YPEL2: variants seen among roughly 807,000 people sequenced by gnomAD.
YPEL2 encodes yippee like 2, also known as protein yippee-like 2.
YPEL2 carries 2 observed loss-of-function variants against 19.1 expected under a neutral mutation model. The ratio of observed to expected loss-of-function variants is 0.10; its 90% CI spans 0.04 to 0.33. YPEL2 has a LOEUF of 0.33. Among genes scored for constraint, YPEL2 ranks in the 10% least tolerant of loss-of-function variants. YPEL2 has a pLI of 1.00. For missense variants in YPEL2, 66 were observed against 140.7 expected (o/e 0.47, Z 2.68); for synonymous variants, 52 against 50.0 (o/e 1.04, Z -0.17).
chr17:59,390,265 G>T (rs1013928275), intron 4 of YPEL2, among the ~76,000 whole-genome samples: 1 of 152,092 alleles, frequency 6.6e-6, no homozygotes. Context: ...GGCTCCCAAA[G>T]TGCTGGGATT....
intron 2 of YPEL2, among the ~76,000 whole-genome samples, chr17:59,380,227 A>T (rs1275843988): frequency 6.6e-6 from 1 of 150,432 alleles, no homozygotes; most frequent in East Asian, 2.0e-4. Flanking sequence ...AACAAAGTAT[A>T]TAGTCTTGAA....
rs577364972 is a variant in YPEL2 at position 59,366,313 on chromosome 17, G to A, written c.117+12787G>A. Among the ~76,000 whole-genome samples the A allele has an allele frequency of 1.9e-3, 293 of 152,224 alleles. 2 individuals are homozygous for A. Among genetic ancestry groups the A allele is most frequent in the Admixed American group, 3.6e-3 (55 of 15,300 alleles). ...TTTGCCTTCACTGAGCCTGTCACAC[G>A]GTACCCTTTGGTTCCTGGAAGACCC... On this transcript the variant is annotated intron_variant, in intron 2 of 4. Coordinates refer to ENST00000312655, the MANE Select transcript of YPEL2 (RefSeq NM_001005404.4).
intron 1 of YPEL2, chr17:59,345,396 A>G (rs988293366): frequency 6.6e-6 from 1 of 152,176 alleles, no homozygotes; most frequent in African/African-American, 2.4e-5. Flanking sequence ...CAGTGCTGTA[A>G]AAGAGGTGTC....
Position 59,361,075 on chromosome 17 carries a change from A to G in YPEL2, c.117+7549A>G, listed in dbSNP as rs192581492. On this transcript the variant is annotated intron_variant, in intron 2 of 4. Transcript: ENST00000312655. ...TCGACCTCCTGACCTCAAGCAATCC[A>G]CCTGCCTCTGCCTGCCAAAGTGCTG... Among the ~76,000 whole-genome samples, 749 of 152,112 alleles carry G rather than the reference A, an allele frequency of 4.9e-3. 3 individuals are homozygous for G. Among genetic ancestry groups the G allele is most frequent in the Middle Eastern group, 0.021 (6 of 292 alleles).
chr17:59,367,007 G>A lies in YPEL2; in HGVS notation c.117+13481G>A, dbSNP rs553279773. On this transcript the variant is annotated intron_variant, in intron 2 of 4. Coordinates refer to ENST00000312655, the MANE Select transcript of YPEL2 (RefSeq NM_001005404.4). ...CTGGGTAAATACACGAGAAAGGAAA[G>A]CCAATAAGATAAGGTCTGACAAATC... Among the ~76,000 whole-genome samples, 11 of 152,316 alleles carry A rather than the reference G, an allele frequency of 7.2e-5. No homozygotes were observed. In the South Asian group the frequency reaches 2.3e-3, roughly 32 times the overall value.
intron 1 of YPEL2, among the ~76,000 whole-genome samples, chr17:59,333,472 A>G (rs1489604210): frequency 6.6e-6 from 1 of 152,194 alleles, no homozygotes; most frequent in Non-Finnish European, 1.5e-5. Flanking sequence ...TGCGCGAGAA[A>G]ACTGTTTTCC....
chr17:59,379,985 C>T (rs1422049304), intron 2 of YPEL2, among the ~76,000 whole-genome samples: 1 of 151,014 alleles, frequency 6.6e-6, no homozygotes, highest in Admixed American at 6.6e-5. Flanking sequence ...CTCAGCCTCC[C>T]GAGTAGCTGG....
chr17:59,376,186 C>G (rs1459267178), intron 2 of YPEL2, among the ~76,000 whole-genome samples: 1 of 152,156 alleles, frequency 6.6e-6, no homozygotes, highest in Non-Finnish European at 1.5e-5. Flanking sequence ...GCCAGACTGC[C>G]TGGACCTCTG....
Position 59,372,529 on chromosome 17 carries a change from G to A in YPEL2, c.118-15798G>A, listed in dbSNP as rs541250888. On this transcript the variant is annotated intron_variant, in intron 2 of 4. Coordinates refer to ENST00000312655, the MANE Select transcript of YPEL2 (RefSeq NM_001005404.4). ...AAACACCCACTCTGTGGTCTAACCG[G>A]CTGGTCCTTGTTTAGAAACTAACAA... Among the ~76,000 whole-genome samples, 571 of 152,324 alleles carry A rather than the reference G, an allele frequency of 3.7e-3. 1 individual carries two copies. Among genetic ancestry groups the A allele is most frequent in the African/African-American group, 0.013 (555 of 41,572 alleles).
At chr17:59,392,184 C>T (rs1340388912) in intron 4 of YPEL2, among the ~76,000 whole-genome samples, 2 of 152,178 alleles carry the variant, frequency 1.3e-5, no homozygotes, top group Non-Finnish European at 2.9e-5. Flanking sequence ...TCTTGGCTGT[C>T]TTACTGCCCT....
chr17:59,350,176 T>C (rs1341473421), intron 1 of YPEL2, among the ~76,000 whole-genome samples: 1 of 151,988 alleles, frequency 6.6e-6, no homozygotes, highest in African/African-American at 2.4e-5. Context: ...GCTCAAGTAA[T>C]CCTCTGGCCT....
chr17:59,333,316 G>A (rs985002990), intron 1 of YPEL2, among the ~76,000 whole-genome samples: 2 of 152,246 alleles, frequency 1.3e-5, no homozygotes, highest in South Asian at 2.1e-4. Flanking sequence ...AGTGCAGTGG[G>A]AGCCTCATCC....
intron 1 of YPEL2, among the ~76,000 whole-genome samples, chr17:59,334,020 C>CT (rs1309303258): frequency 2.0e-5 from 3 of 152,180 alleles, no homozygotes; most frequent in Non-Finnish European, 2.9e-5. Context: ...TTTGAAAAGT[C>CT]TAAGGGCACA....
chr17:59,365,439 T>C (rs963699237), intron 2 of YPEL2, among the ~76,000 whole-genome samples: 1 of 152,232 alleles, frequency 6.6e-6, no homozygotes, highest in African/African-American at 2.4e-5. Context: ...AGGTGGTTAC[T>C]GTGCCTCTGA....
chr17:59,363,881 T>C (rs1479727776), intron 2 of YPEL2, among the ~76,000 whole-genome samples: 1 of 152,174 alleles, frequency 6.6e-6, no homozygotes, highest in Non-Finnish European at 1.5e-5. Context: ...CTTTCTTCCC[T>C]CCTGTCATTT....
At chr17:59,345,801 G>A (rs901733922) in intron 1 of YPEL2, among the ~76,000 whole-genome samples, 1 of 152,122 alleles carries the variant, frequency 6.6e-6, no homozygotes, top group African/African-American at 2.4e-5. Context: ...TTGAGTATTA[G>A]CCATGTGCTG....
Position 59,400,688 on chromosome 17 carries a change from TCTTC to T in YPEL2, c.*3501_*3504del, listed in dbSNP as rs2048066434. 1 of 152,648 alleles carries T rather than the reference TCTTC, an allele frequency of 6.6e-6. No individual in the cohort carries two copies. Among genetic ancestry groups the T allele is most frequent in the Non-Finnish European group, 1.5e-5 (1 of 68,040 alleles). 9.5% of individuals were successfully genotyped at this position (152,648 alleles called of 1,614,324 possible). On this transcript the variant is annotated 3_prime_UTR_variant, in exon 5 of 5. Transcript: ENST00000312655. ...TTTAGTAGTAACAACTTACAGTGAT[TCTTC>T]CTGTTGGAAGAATTTCCAACAAATC...
At chr17:59,349,263 G>A (rs72831260) in intron 1 of YPEL2, among the ~76,000 whole-genome samples, 5,153 of 150,114 alleles carry the variant, frequency 0.034, 147 homozygotes, top group Middle Eastern at 0.052. Context: ...AAGGGAAGAA[G>A]ACAGTGCAGA....
chr17:59,399,904 C>T lies in YPEL2; in HGVS notation c.*2714C>T, dbSNP rs994822613. 2.6e-5 allele frequency: 4 copies of T among 152,162 alleles called. No individual in the cohort carries two copies. The highest frequency in any genetic ancestry group is 2.9e-5 in the Non-Finnish European group (2 of 68,004). The allele number at this position is 152,162 out of a possible 1,614,324, so 9.4% of individuals were successfully genotyped here. A position where few individuals can be genotyped will look rare whatever the true frequency, so the allele number is the denominator to read the frequency against. ...GGAGTTTGTTGGTGAAGTTTGGGGG[C>T]GGGGTGTTGGGAGTAGAGACAGGGT... On this transcript the variant is annotated 3_prime_UTR_variant, in exon 5 of 5. Coordinates refer to ENST00000312655, the MANE Select transcript of YPEL2 (RefSeq NM_001005404.4).
Sources: gnomAD v4.1 joint callset for allele counts (sites outside exome capture counted in the v4.1 genomes callset) on GRCh38, gnomAD v4.1.1 for gene constraint, MANE v1.5 for transcripts, NCBI Gene and HGNC (gene_info 2026-07-23, HGNC 2026-07-21) for gene names.